E2F3: variants seen among roughly 807,000 people sequenced by gnomAD.
E2F3 encodes E2F transcription factor 3, also known as transcription factor E2F3.
A neutral mutation model predicts 44.4 loss-of-function variants in E2F3; 11 were observed. That is an observed-to-expected ratio of 0.25 (90% CI 0.16 to 0.41). The LOEUF is 0.41. Among genes scored for constraint, E2F3 ranks in the 10% least tolerant of loss-of-function variants. E2F3 has a pLI of 1.00. For synonymous variants in E2F3, 249 were observed against 253.0 expected (o/e 0.98, Z 0.15); for missense variants, 487 against 583.6 (o/e 0.83, Z 1.70).
intron 1 of E2F3, among the ~76,000 whole-genome samples, chr6:20,438,209 T>A (rs1760656881): frequency 1.3e-5 from 2 of 152,228 alleles, no homozygotes; most frequent in Admixed American, 6.5e-5. Context: ...TCGTGAGGAT[T>A]CATTGTAATG....
chr6:20,403,771 C>T (rs941469026), intron 1 of E2F3: 2 of 1,499,044 alleles, frequency 1.3e-6, no homozygotes, highest in Non-Finnish European at 1.8e-6. Flanking sequence ...GCCCCCTCTC[C>T]AGCCGGCCCC....
intron 1 of E2F3, chr6:20,445,095 G>A (rs1210776485): frequency 3.0e-6 from 3 of 985,316 alleles, no homozygotes; most frequent in Non-Finnish European, 3.6e-6. Context: ...TCGGGCTGGA[G>A]AGTCGAGAGC....
intron 1 of E2F3, among the ~76,000 whole-genome samples, chr6:20,428,730 A>G (rs755975150): frequency 6.6e-6 from 1 of 152,216 alleles, no homozygotes; most frequent in Non-Finnish European, 1.5e-5. Flanking sequence ...TTCCACATAT[A>G]AAGAGTTAGG....
chr6:20,429,026 G>C (rs1022842848), intron 1 of E2F3, among the ~76,000 whole-genome samples: 1 of 152,080 alleles, frequency 6.6e-6, no homozygotes, highest in African/African-American at 2.4e-5. Context: ...TTTGATTTTC[G>C]TAACTGGGAG....
At position 20,493,136 on chromosome 6, in the gene E2F3, C is replaced by G. The variant is rs1287856063; in HGVS notation, c.*2706C>G. ...ATTTTCATTATTTAGCAATTTTGTA[C>G]AAAAATAGCAATTAATTTGTAAACA... is the stretch of plus-strand genomic sequence containing the variant. On this transcript the variant is annotated 3_prime_UTR_variant, in exon 7 of 7. Transcript: ENST00000346618. 3 of 222,564 alleles carry G rather than the reference C, an allele frequency of 1.3e-5. No individual in the cohort carries two copies. The highest frequency in any genetic ancestry group is 6.7e-5 in the African/African-American group (3 of 44,708). 13.8% of individuals were successfully genotyped at this position (222,564 alleles called of 1,614,324 possible).
In E2F3 at chr6:20,442,599, T is replaced by C. The variant is rs143563795; in HGVS notation, c.394-37247T>C. 4.1e-4 allele frequency among the ~76,000 whole-genome samples: 62 copies of C among 152,376 alleles called. 1 individual carries two copies. The East Asian group carries it at 8.9e-3, about 22-fold the overall frequency. ...GATATGTTGTGTGTATATTTATATC[T>C]GGACACAATTCTTTTCATTGAACAG... On this transcript the variant is annotated intron_variant, in intron 1 of 6. Coordinates refer to ENST00000346618, the MANE Select transcript of E2F3 (RefSeq NM_001949.5).
intron 1 of E2F3, among the ~76,000 whole-genome samples, chr6:20,441,269 G>C (rs1337775923): frequency 2.0e-5 from 3 of 152,090 alleles, no homozygotes; most frequent in Non-Finnish European, 2.9e-5. Context: ...TTACCCTTCT[G>C]TATCTGCCTT....
At position 20,490,447 on chromosome 6, in the gene E2F3, C is replaced by T; in HGVS notation, c.*17C>T. 1 of 1,535,614 alleles carries T rather than the reference C, an allele frequency of 6.5e-7. No homozygotes were observed. Among genetic ancestry groups the T allele is most frequent in the Non-Finnish European group, 8.8e-7 (1 of 1,141,620 alleles). Reference sequence around the variant, plus strand: ...TGTAGTTGATTATGCTTCGTGTGAACTCTCCTTAAAAACCGATATTTTTTT... The same window carrying T: ...TGTAGTTGATTATGCTTCGTGTGAATTCTCCTTAAAAACCGATATTTTTTT... On this transcript the variant is annotated 3_prime_UTR_variant, in exon 7 of 7. Transcript: ENST00000346618. The surrounding 1 kb of genome is among the most constrained non-coding windows in gnomAD (Gnocchi z 4.3).
intron 1 of E2F3, among the ~76,000 whole-genome samples, chr6:20,416,367 C>G (rs1759845261): frequency 6.6e-6 from 1 of 152,186 alleles, no homozygotes; most frequent in Admixed American, 6.5e-5. Context: ...CATATGCCAG[C>G]CACCATTCTA....
chr6:20,453,485 G>T (rs1761202692), intron 1 of E2F3, among the ~76,000 whole-genome samples: 1 of 152,096 alleles, frequency 6.6e-6, no homozygotes, highest in South Asian at 2.1e-4. Context: ...TGCAGTGACG[G>T]CTCACTGCAG....
intron 1 of E2F3, among the ~76,000 whole-genome samples, chr6:20,419,270 A>G (rs9350248): frequency 0.14 from 20,841 of 152,192 alleles, 2,004 homozygotes; most frequent in East Asian, 0.48. Context: ...ACAGTGCTAC[A>G]TTGGATATCT....
At chr6:20,434,727 C>A (rs59875875) in intron 1 of E2F3, among the ~76,000 whole-genome samples, 1,578 of 152,314 alleles carry the variant, frequency 0.01, 32 homozygotes, top group African/African-American at 0.036. Flanking sequence ...AGCTGAATAT[C>A]CCTTCCTTGC....
rs376572076 is a variant in E2F3, at chr6:20,482,727, G to A, written c.726-35G>A. 2.0e-4 allele frequency: 311 copies of A among 1,538,312 alleles called. 1 individual carries two copies. Among genetic ancestry groups the A allele is most frequent in the South Asian group, 1.8e-3 (144 of 79,090 alleles). On this transcript the variant is annotated intron_variant, in intron 3 of 6. Transcript: ENST00000346618. ...CATTTCTCCTTCCCCTCCCTCCCAT[G>A]AGTAGCCATGAAGAGTCTGTGTTTG...
chr6:20,455,512 T>C (rs554075436), intron 1 of E2F3, among the ~76,000 whole-genome samples: 6 of 152,324 alleles, frequency 3.9e-5, no homozygotes, highest in Admixed American at 1.3e-4. Flanking sequence ...CCATCAGATA[T>C]TGCCTTGTCC....
intron 3 of E2F3, among the ~76,000 whole-genome samples, chr6:20,482,207 A>G (rs1762246669): frequency 6.6e-6 from 1 of 152,046 alleles, no homozygotes; most frequent in Admixed American, 6.5e-5. Context: ...AGAGAAACAT[A>G]TTGTGCACTA....
intron 1 of E2F3, among the ~76,000 whole-genome samples, chr6:20,419,378 G>A (rs909645675): frequency 2.6e-5 from 4 of 152,138 alleles, no homozygotes; most frequent in African/African-American, 7.2e-5. Flanking sequence ...AATGCTGATA[G>A]ATTAGATAGG....
chr6:20,408,912 G>T lies in E2F3; in HGVS notation c.393+6287G>T, dbSNP rs139182849. On this transcript the variant is annotated intron_variant, in intron 1 of 6. Coordinates refer to ENST00000346618, the MANE Select transcript of E2F3 (RefSeq NM_001949.5). ...TCTAGGTTGGCATGGGCAATAGTTG[G>T]CATTTACACTGGTCTTGGAATCATA... Among the ~76,000 whole-genome samples, 476 of 152,310 alleles carry T rather than the reference G, an allele frequency of 3.1e-3. 1 individual carries two copies. Among genetic ancestry groups the T allele is most frequent in the African/African-American group, 0.011 (449 of 41,554 alleles).
At chr6:20,462,192 T>C (rs1761533186) in intron 1 of E2F3, among the ~76,000 whole-genome samples, 2 of 152,254 alleles carry the variant, frequency 1.3e-5, no homozygotes, top group African/African-American at 2.4e-5. Context: ...TGTTGACAGA[T>C]AGCACGTGTG....
intron 1 of E2F3, among the ~76,000 whole-genome samples, chr6:20,476,236 TGG>T (rs1762040259): frequency 1.3e-5 from 2 of 152,090 alleles, no homozygotes. Context: ...CCGGGCGTGG[TGG>T]CGGACGCCTG....
Sources: gnomAD v4.1 joint callset for allele counts (sites outside exome capture counted in the v4.1 genomes callset) on GRCh38, gnomAD v4.1.1 for gene constraint, Gnocchi (gnomAD v3.1) non-coding constraint, MANE v1.5 for transcripts, NCBI Gene and HGNC (gene_info 2026-07-23, HGNC 2026-07-21) for gene names.